LHFPL6: variants seen among roughly 807,000 people sequenced by gnomAD.
LHFPL6 encodes the protein LHFPL tetraspan subfamily member 6 protein.
In LHFPL6, 9 loss-of-function variants were observed where a neutral mutation model predicts 20.6. The observed-to-expected ratio is 0.44, with a 90% CI of 0.26 to 0.76. The LOEUF is 0.76. Among genes scored for constraint, LHFPL6 ranks in the 30% least tolerant of loss-of-function variants. LHFPL6 has a pLI of 0.20. For missense variants in LHFPL6, 218 were observed against 253.5 expected (o/e 0.86, Z 0.95); for synonymous variants, 105 against 98.7 (o/e 1.06, Z -0.38).
intron 2 of LHFPL6, among the ~76,000 whole-genome samples, chr13:39,581,435 G>A (rs1472100106): frequency 6.6e-6 from 1 of 151,618 alleles, no homozygotes; most frequent in Non-Finnish European, 1.5e-5. Flanking sequence ...CTACCAGGAG[G>A]CTATAATCAG....
chr13:39,386,690 T>C (rs1173766487), intron 2 of LHFPL6, among the ~76,000 whole-genome samples: 2 of 152,212 alleles, frequency 1.3e-5, no homozygotes, highest in Non-Finnish European at 2.9e-5. Context: ...CTTGTATCTC[T>C]TGAATAATTG....
intron 3 of LHFPL6, among the ~76,000 whole-genome samples, chr13:39,351,639 A>G (rs1426210008): frequency 6.6e-6 from 1 of 152,192 alleles, no homozygotes; most frequent in African/African-American, 2.4e-5. Flanking sequence ...CTGTACTTCT[A>G]TATTTGAGTC....
chr13:39,501,923 G>A lies in LHFPL6; in HGVS notation c.385+98909C>T, dbSNP rs141073718. Reference sequence around the variant, plus strand: ...ATTAGCCAGATCAAAGGGGACCTGGGCTCACAGATTTCACCAGGCCACATG... The same window carrying A: ...ATTAGCCAGATCAAAGGGGACCTGGACTCACAGATTTCACCAGGCCACATG... On this transcript the variant is annotated intron_variant, in intron 2 of 3. Coordinates refer to ENST00000379589, the MANE Select transcript of LHFPL6 (RefSeq NM_005780.3). Among the ~76,000 whole-genome samples, 650 of 152,296 alleles carry A rather than the reference G, an allele frequency of 4.3e-3. 5 individuals are homozygous for A. The highest frequency in any genetic ancestry group is 0.015 in the African/African-American group (608 of 41,554).
intron 2 of LHFPL6, among the ~76,000 whole-genome samples, chr13:39,410,392 G>T (rs1871218188): frequency 6.6e-6 from 1 of 152,152 alleles, no homozygotes; most frequent in Admixed American, 6.5e-5. Context: ...GAAGATAGCA[G>T]CCCCCAAGCA....
At chr13:39,392,557 G>A (rs1870737253) in intron 2 of LHFPL6, among the ~76,000 whole-genome samples, 2 of 152,076 alleles carry the variant, frequency 1.3e-5, no homozygotes, top group African/African-American at 4.8e-5. Flanking sequence ...TTGCCCCATT[G>A]CACTCCAGCC....
intron 2 of LHFPL6, among the ~76,000 whole-genome samples, chr13:39,491,374 G>A (rs1472167198): frequency 6.6e-6 from 1 of 152,194 alleles, no homozygotes; most frequent in Non-Finnish European, 1.5e-5. Flanking sequence ...CTTCAAAGAT[G>A]GGGAATGGTT....
chr13:39,482,487 G>A (rs181291092), intron 2 of LHFPL6, among the ~76,000 whole-genome samples: 287 of 151,938 alleles, frequency 1.9e-3, no homozygotes, highest in Admixed American at 3.5e-3. Flanking sequence ...CAAATTAATA[G>A]GTCAAGCACA....
At chr13:39,483,161 C>T (rs758590109) in intron 2 of LHFPL6, among the ~76,000 whole-genome samples, 40 of 152,234 alleles carry the variant, frequency 2.6e-4, no homozygotes, top group Middle Eastern at 6.8e-3. Flanking sequence ...ACACTGGAAA[C>T]ACATGTGGAC....
At chr13:39,548,297 C>T (rs1330716056) in intron 2 of LHFPL6, among the ~76,000 whole-genome samples, 1 of 152,020 alleles carries the variant, frequency 6.6e-6, no homozygotes, top group African/African-American at 2.4e-5. Flanking sequence ...GAGACTGTGT[C>T]CCCTTATGGT....
At chr13:39,435,817 A>G (rs1871942635) in intron 2 of LHFPL6, among the ~76,000 whole-genome samples, 1 of 152,010 alleles carries the variant, frequency 6.6e-6, no homozygotes, top group South Asian at 2.1e-4. Context: ...ATGAACCTGT[A>G]TTTTCTTCAT....
intron 2 of LHFPL6, among the ~76,000 whole-genome samples, chr13:39,386,027 G>A: frequency 6.6e-6 from 1 of 151,986 alleles, no homozygotes; most frequent in East Asian, 1.9e-4. Flanking sequence ...CATCTTTTAT[G>A]TTTTTTGGAT....
intron 2 of LHFPL6, among the ~76,000 whole-genome samples, chr13:39,450,717 C>T (rs1021536691): frequency 9.2e-5 from 14 of 152,108 alleles, no homozygotes; most frequent in African/African-American, 9.7e-5. Context: ...AAGTGAATTC[C>T]GTTTCTGTAG....
At chr13:39,425,916 T>C (rs1388923557) in intron 2 of LHFPL6, among the ~76,000 whole-genome samples, 3 of 152,052 alleles carry the variant, frequency 2.0e-5, no homozygotes, top group South Asian at 4.1e-4. Flanking sequence ...TCAGCCTTAG[T>C]GTTCAGAGTA....
At chr13:39,559,860 C>T (rs534795740) in intron 2 of LHFPL6, among the ~76,000 whole-genome samples, 2 of 152,282 alleles carry the variant, frequency 1.3e-5, no homozygotes, top group East Asian at 3.9e-4. Context: ...CTACGGCAGT[C>T]CCCCATTTTC....
chr13:39,414,835 A>G (rs111287038), intron 2 of LHFPL6, among the ~76,000 whole-genome samples: 3 of 152,326 alleles, frequency 2.0e-5, no homozygotes, highest in African/African-American at 7.2e-5. Context: ...AGAGTATTAT[A>G]CAGGCTAGGG....
rs968338485 is a variant in LHFPL6, at chr13:39,545,267, A to G, written c.385+55565T>C. On this transcript the variant is annotated intron_variant, in intron 2 of 3. Coordinates refer to ENST00000379589, the MANE Select transcript of LHFPL6 (RefSeq NM_005780.3). ...TCTCAAAAAAAAAAAAAAAAAAAAA[A>G]GTGACTAAGGGTAAGTGGTCAGAAA... Among the ~76,000 whole-genome samples, 380 of 146,948 alleles carry G rather than the reference A, an allele frequency of 2.6e-3. 1 individual carries two copies. The highest frequency in any genetic ancestry group is 9.1e-3 in the African/African-American group (364 of 40,212).
At chr13:39,564,192 TAA>T (rs1475706660) in intron 2 of LHFPL6, among the ~76,000 whole-genome samples, 1 of 152,298 alleles carries the variant, frequency 6.6e-6, no homozygotes, top group East Asian at 1.9e-4. Flanking sequence ...AGGCCAGGAA[TAA>T]AGTCTGTTTA....
At chr13:39,369,607 C>T (rs1870112776) in intron 3 of LHFPL6, among the ~76,000 whole-genome samples, 1 of 148,058 alleles carries the variant, frequency 6.8e-6, no homozygotes, top group African/African-American at 2.5e-5. Context: ...TCCTCCCTCT[C>T]TCCCTCCCTT....
intron 2 of LHFPL6, among the ~76,000 whole-genome samples, chr13:39,429,817 A>G (rs1179560839): frequency 6.6e-6 from 1 of 152,120 alleles, no homozygotes; most frequent in African/African-American, 2.4e-5. Flanking sequence ...GACTTCCTCT[A>G]TCTTGCTAAA....
Sources: gnomAD v4.1 joint callset for allele counts (sites outside exome capture counted in the v4.1 genomes callset) on GRCh38, gnomAD v4.1.1 for gene constraint, MANE v1.5 for transcripts, NCBI Gene and HGNC (gene_info 2026-07-23, HGNC 2026-07-21) for gene names.